The following ZDHHC21 variants were observed in gnomAD, a reference collection of about 807,000 sequenced individuals.
ZDHHC21 encodes zDHHC palmitoyltransferase 21.
In ZDHHC21, 15 loss-of-function variants were observed where a neutral mutation model predicts 34.6. The observed-to-expected ratio is 0.43, with a 90% confidence interval of 0.29 to 0.67. The LOEUF (loss-of-function observed/expected upper bound fraction) is 0.67, where lower values mean the gene tolerates loss of function less well. ZDHHC21 is among the 30% of genes least tolerant of loss of function. The probability of loss-of-function intolerance (pLI) is 0.14; values close to 1 mark genes in which losing one functional copy is unlikely to be tolerated. For missense variants in ZDHHC21, 344 were observed against 327.7 expected (o/e 1.05, Z -0.38); for synonymous variants, 142 against 101.8 (o/e 1.40, Z -2.38).
chr9:14,674,410 A>G, intron 3 of ZDHHC21, 25 bp from the exon 4 acceptor site: 2 of 1,439,128 alleles, frequency 1.4e-6, no homozygotes, highest in South Asian at 2.9e-5. Flanking sequence ...CAAAGAAAAT[A>G]ATTACTTACA....
intron 7 of ZDHHC21, among the ~76,000 whole-genome samples, chr9:14,651,527 C>T (rs998698987): frequency 6.6e-6 from 1 of 151,824 alleles, no homozygotes; most frequent in Non-Finnish European, 1.5e-5. Flanking sequence ...GGCAACCATA[C>T]TATTTATCCC....
intron 8 of ZDHHC21, among the ~76,000 whole-genome samples, chr9:14,623,860 G>C (rs1242112245): frequency 1.3e-5 from 2 of 152,084 alleles, no homozygotes; most frequent in Non-Finnish European, 2.9e-5. Flanking sequence ...TGGCAAGGAT[G>C]TGGAGAAAAG....
At chr9:14,679,422 G>C (rs879531603) in intron 3 of ZDHHC21, among the ~76,000 whole-genome samples, 4 of 152,082 alleles carry the variant, frequency 2.6e-5, no homozygotes, top group Non-Finnish European at 5.9e-5. Context: ...TTATAGAATA[G>C]TTTATATAAC....
chr9:14,674,261 T>C lies in ZDHHC21; in HGVS notation c.80A>G (p.Asn27Ser), dbSNP rs1317918664. Residue 27 changes from asparagine (N) to serine (S), a missense_variant, in exon 4 of 10, where the codon AAT becomes AGT. Asn to Ser is a conservative substitution (Grantham distance 46, BLOSUM62 1). Transcript: ENST00000380916. ...GACAATTTTGGGAATTAAAACAATA[T>C]TGTATAACCAAACAAAGACAATCAA... ...MGLIVFVWLY[N>S]IVLIPKIVLF... The C allele has an allele frequency of 4.4e-6, 7 of 1,597,572 alleles. No homozygotes were observed. The South Asian group carries it at 4.6e-5, about 10-fold the overall frequency.
intron 3 of ZDHHC21, among the ~76,000 whole-genome samples, chr9:14,678,173 A>C (rs201214144): frequency 6.6e-6 from 1 of 152,068 alleles, no homozygotes; most frequent in Non-Finnish European, 1.5e-5. Flanking sequence ...TCAGTTCACA[A>C]TGATTTATCT....
chr9:14,661,117 T>C (rs1833316228), intron 6 of ZDHHC21, among the ~76,000 whole-genome samples: 1 of 152,186 alleles, frequency 6.6e-6, no homozygotes, highest in South Asian at 2.1e-4. Flanking sequence ...TACTCTATCT[T>C]GTTGACAGAT....
intron 5 of ZDHHC21, among the ~76,000 whole-genome samples, chr9:14,665,802 C>T (rs771261758): frequency 1.4e-5 from 2 of 146,560 alleles, no homozygotes; most frequent in Non-Finnish European, 3.0e-5. Flanking sequence ...AAATGCTGAC[C>T]AATTTTGTCA....
the ZDHHC21 span, among the ~76,000 whole-genome samples, chr9:14,603,369 T>C: frequency 2.0e-5 from 3 of 152,146 alleles, no homozygotes; most frequent in African/African-American, 4.8e-5. Context: ...ATTAGAAATA[T>C]ATAGGTAAAT....
chr9:14,630,602 C>G (rs138703304), intron 8 of ZDHHC21, among the ~76,000 whole-genome samples: 25 of 152,298 alleles, frequency 1.6e-4, no homozygotes, highest in East Asian at 9.6e-4. Context: ...TGTACTTTCT[C>G]CAGATCCATC....
At chr9:14,649,925 A>G (rs1830929970) in intron 7 of ZDHHC21, among the ~76,000 whole-genome samples, 1 of 152,142 alleles carries the variant, frequency 6.6e-6, no homozygotes, top group Non-Finnish European at 1.5e-5. Context: ...GTAAAAGTAA[A>G]AGAAGAGTAA....
chr9:14,681,465 T>A (rs1837359140), intron 2 of ZDHHC21, among the ~76,000 whole-genome samples: 1 of 152,182 alleles, frequency 6.6e-6, no homozygotes, highest in South Asian at 2.1e-4. Flanking sequence ...ATCCTCAGAT[T>A]GAAAATCACT....
At chr9:14,692,120 G>C (rs943519025) in intron 1 of ZDHHC21, among the ~76,000 whole-genome samples, 8 of 152,132 alleles carry the variant, frequency 5.3e-5, no homozygotes, top group African/African-American at 1.9e-4. Flanking sequence ...TTGCTTTTAA[G>C]AGATGGCACA....
At chr9:14,621,329 T>A (rs1314821681) in intron 8 of ZDHHC21, among the ~76,000 whole-genome samples, 1 of 152,010 alleles carries the variant, frequency 6.6e-6, no homozygotes, top group Non-Finnish European at 1.5e-5. Flanking sequence ...TAAGGGCAAT[T>A]TTTACTATGG....
At chr9:14,622,416 G>A (rs959020855) in intron 8 of ZDHHC21, 11 of 417,498 alleles carry the variant, frequency 2.6e-5, no homozygotes, top group East Asian at 1.6e-4. Context: ...ATGGGGGGGC[G>A]GGGAAGTTCC....
At chr9:14,671,728 C>T (rs761135802) in intron 5 of ZDHHC21, among the ~76,000 whole-genome samples, 23 of 152,112 alleles carry the variant, frequency 1.5e-4, no homozygotes, top group Non-Finnish European at 2.5e-4. Flanking sequence ...AAGTTGATTG[C>T]AGTGATGGTT....
chr9:14,657,391 T>A (rs1191136021), intron 7 of ZDHHC21, among the ~76,000 whole-genome samples: 1 of 152,130 alleles, frequency 6.6e-6, no homozygotes, highest in Non-Finnish European at 1.5e-5. Context: ...AAAATTACCA[T>A]TCAGAGAGGT....
At chr9:14,657,538 T>A (rs1183479626) in intron 7 of ZDHHC21, among the ~76,000 whole-genome samples, 1 of 152,138 alleles carries the variant, frequency 6.6e-6, no homozygotes, top group African/African-American at 2.4e-5. Context: ...CAGTTAATAT[T>A]TTAGGCTTTA....
At chr9:14,693,168 G>A (rs1261713889) in intron 1 of ZDHHC21, 61 bp downstream of exon 1, 2 of 278,020 alleles carry the variant, frequency 7.2e-6, no homozygotes, top group Non-Finnish European at 1.4e-5. Context: ...GGATGGGGGT[G>A]GGGGTGCGGA....
At chr9:14,595,869 AT>A in the ZDHHC21 span, among the ~76,000 whole-genome samples, 5 of 152,254 alleles carry the variant, frequency 3.3e-5, no homozygotes, top group African/African-American at 1.2e-4. Flanking sequence ...GCAAATGTAA[AT>A]TAAAATCACA....
Sources: allele counts gnomAD v4.1 joint callset (sites outside exome capture counted in the v4.1 genomes callset), GRCh38; gene constraint gnomAD v4.1.1; transcripts MANE v1.5; gene names NCBI Gene and HGNC (gene_info 2026-07-23, HGNC 2026-07-21).